The following APBA1 variants were observed in gnomAD, a reference collection of about 807,000 sequenced individuals.
The protein encoded by APBA1 is amyloid beta precursor protein binding family A member 1, also known as amyloid-beta A4 precursor protein-binding family A member 1.
Under a neutral mutation model 86.6 loss-of-function variants are expected in APBA1, and 55 were observed. The observed-to-expected ratio is 0.64, with a 90% CI of 0.51 to 0.80. The LOEUF is 0.80. APBA1 is among the 30% of genes least tolerant of loss of function. The pLI, the probability that APBA1 is intolerant of heterozygous loss-of-function variation, is 0.00. For missense variants in APBA1, 1,090 were observed against 1,183.0 expected, an observed-to-expected ratio of 0.92 and a Z score of 1.15; for synonymous variants, 511 against 493.9, an observed-to-expected ratio of 1.03 and a Z score of -0.46.
chr9:69,610,848 T>C (rs1381966727), intron 1 of APBA1, among the ~76,000 whole-genome samples: 1 of 152,230 alleles, frequency 6.6e-6, no homozygotes, highest in Non-Finnish European at 1.5e-5. Context: ...AGGCACATTT[T>C]AAAATCAATG....
rs1340114308 is a variant in APBA1 at position 69,560,035 on chromosome 9, TGAG to T, written c.-69-42759_-69-42757del. Among the ~76,000 whole-genome samples, 3 of 152,104 alleles carry T rather than the reference TGAG, an allele frequency of 2.0e-5. No homozygotes were observed. In the East Asian group the frequency reaches 5.8e-4, roughly 29 times the overall value. On this transcript the variant is annotated intron_variant, in intron 1 of 12. Coordinates refer to ENST00000265381, the MANE Select transcript of APBA1 (RefSeq NM_001163.4). ...CCCTTCTTGCGAAAGGGGCAGCCCT[TGAG>T]GAGGTCAGCAATATATGGGGATTAA...
At chr9:69,464,905 T>G (rs1372259119) in intron 5 of APBA1, 1 of 152,156 alleles carries the variant, frequency 6.6e-6, no homozygotes, top group Non-Finnish European at 1.5e-5. Context: ...AAACAAGGTG[T>G]CCCAAATGAA....
At chr9:69,601,031 T>G (rs1822341428) in intron 1 of APBA1, among the ~76,000 whole-genome samples, 1 of 151,946 alleles carries the variant, frequency 6.6e-6, no homozygotes. Context: ...CCTAGTATAA[T>G]TTTAGAATAC....
intron 1 of APBA1, among the ~76,000 whole-genome samples, chr9:69,640,472 A>C (rs1823264796): frequency 6.6e-6 from 1 of 152,032 alleles, no homozygotes; most frequent in Non-Finnish European, 1.5e-5. Context: ...AAAAAAATTA[A>C]TGTATATAAT....
chr9:69,452,241 T>G lies in APBA1; in HGVS notation c.1849A>C (p.Arg617=), dbSNP rs951156535. Residue 617 remains arginine, a synonymous_variant, in exon 9 of 13, where the codon AGG becomes CGG. Transcript: ENST00000265381. The part of the protein sequence containing the change: ...AFSVAYQEFL[R]ANGINPEDLS... ...TCTTCGGGGTTAATCCCATTGGCCC[T>G]GAGGAATTCCTGGTATGCCACGCTA... 1 of 1,614,092 alleles carries G rather than the reference T, an allele frequency of 6.2e-7. No homozygotes were observed. The highest frequency in any genetic ancestry group is 8.5e-7 in the Non-Finnish European group (1 of 1,180,048).
At chr9:69,579,074 G>T (rs1821863045) in intron 1 of APBA1, among the ~76,000 whole-genome samples, 1 of 151,804 alleles carries the variant, frequency 6.6e-6, no homozygotes, top group African/African-American at 2.4e-5. Flanking sequence ...TTTAAGATAA[G>T]TGAGTACAGC....
chr9:69,614,898 A>C (rs1020295755), intron 1 of APBA1, among the ~76,000 whole-genome samples: 1 of 152,208 alleles, frequency 6.6e-6, no homozygotes, highest in African/African-American at 2.4e-5. Context: ...GATTTAAGAA[A>C]ATTTTCTCTT....
At position 69,516,930 on chromosome 9, in the gene APBA1, C is replaced by T. The variant is rs774916587; in HGVS notation, c.281G>A (p.Gly94Asp). Reference protein sequence around the residue: ...GFHNHTDTAEGDVIAAARDGY... With the variant: ...GFHNHTDTAEDDVIAAARDGY... Reference sequence around the variant, plus strand: ...GTCGCGGGCCGCGGCGATCACGTCGCCCTCGGCGGTGTCCGTGTGGTTGTG... The same window carrying T: ...GTCGCGGGCCGCGGCGATCACGTCGTCCTCGGCGGTGTCCGTGTGGTTGTG... Residue 94 changes from glycine to aspartate, a missense_variant, in exon 2 of 13, where the codon GGC (glycine) becomes GAC (aspartate). Coordinates refer to ENST00000265381, the MANE Select transcript of APBA1 (RefSeq NM_001163.4). The surrounding 1 kb of genome is among the most constrained non-coding windows in gnomAD (Gnocchi z 7.3). 6.3e-7 allele frequency: 1 copy of T among 1,594,278 alleles called. No homozygotes were observed. The highest frequency in any genetic ancestry group is 2.2e-5 in the East Asian group (1 of 44,674).
At chr9:69,660,030 C>A (rs1279381117) in intron 1 of APBA1, among the ~76,000 whole-genome samples, 2 of 152,186 alleles carry the variant, frequency 1.3e-5, no homozygotes, top group Non-Finnish European at 2.9e-5. Flanking sequence ...CACACACTTA[C>A]ACACAATCCT....
chr9:69,484,899 T>C (rs1174080216), intron 2 of APBA1, among the ~76,000 whole-genome samples: 1 of 152,142 alleles, frequency 6.6e-6, no homozygotes, highest in African/African-American at 2.4e-5. Flanking sequence ...TTTTCAGTGG[T>C]CAATGGTAGG....
chr9:69,596,923 A>G (rs1412533754), intron 1 of APBA1, among the ~76,000 whole-genome samples: 1 of 152,232 alleles, frequency 6.6e-6, no homozygotes, highest in Non-Finnish European at 1.5e-5. Flanking sequence ...CTGAAATGGT[A>G]GTGGCTACTG....
At chr9:69,650,019 A>T (rs1261180832) in intron 1 of APBA1, among the ~76,000 whole-genome samples, 1 of 152,238 alleles carries the variant, frequency 6.6e-6, no homozygotes, top group Non-Finnish European at 1.5e-5. Context: ...GAAAGCAGGA[A>T]TGCTCTCTCC....
Position 69,428,455 on chromosome 9 carries a change from T to G in APBA1, c.*2872A>C, listed in dbSNP as rs1490496948. Reference sequence around the variant, plus strand: ...TGGTGGCTCCCTGAAATGCTCACACTGGAGAAAAGGCAGGATGGGTTCTGG... The same window carrying G: ...TGGTGGCTCCCTGAAATGCTCACACGGGAGAAAAGGCAGGATGGGTTCTGG... On this transcript the variant is annotated 3_prime_UTR_variant, in exon 13 of 13. Transcript: ENST00000265381. The G allele has an allele frequency of 6.6e-6, 1 of 152,138 alleles. No homozygotes were observed. The highest frequency in any genetic ancestry group is 1.5e-5 in the Non-Finnish European group (1 of 68,066). 9.4% of individuals were successfully genotyped at this position (152,138 alleles called of 1,614,324 possible).
At chr9:69,475,300 C>T (rs1395166847) in intron 3 of APBA1, among the ~76,000 whole-genome samples, 3 of 152,186 alleles carry the variant, frequency 2.0e-5, no homozygotes, top group Non-Finnish European at 4.4e-5. Flanking sequence ...TGCAGCCACA[C>T]GTGGCTATTT....
Position 69,517,133 on chromosome 9 carries a change from C to T in APBA1, c.78G>A (p.Glu26=), listed in dbSNP as rs746413457. ...AAGGEVNESV[E]ADLEHPEVEE... is the part of the protein sequence containing the mutation. ...CCACCTCGGGGTGCTCCAGGTCGGC[C>T]TCCACCGACTCGTTCACCTCCCCAC... Residue 26 remains glutamate, a synonymous_variant, in exon 2 of 13, where the codon GAG becomes GAA. Coordinates refer to ENST00000265381, the MANE Select transcript of APBA1 (RefSeq NM_001163.4). The T allele has an allele frequency of 4.1e-5, 64 of 1,568,478 alleles. No homozygotes were observed. Among genetic ancestry groups the T allele is most frequent in the Non-Finnish European group, 5.5e-5 (64 of 1,158,752 alleles).
intron 2 of APBA1, among the ~76,000 whole-genome samples, chr9:69,493,266 A>G (rs1232541806): frequency 4.6e-5 from 7 of 151,744 alleles, no homozygotes; most frequent in African/African-American, 1.5e-4. Flanking sequence ...TTCTTTTACT[A>G]TTTTTTTCCC....
intron 5 of APBA1, chr9:69,463,951 T>G (rs1009956093): frequency 2.6e-5 from 4 of 152,214 alleles, no homozygotes; most frequent in African/African-American, 9.7e-5. Context: ...GTGCTCTACG[T>G]CCTTTCTGTC....
In APBA1 at chr9:69,603,892, G is replaced by A. The variant is rs530121994; in HGVS notation, c.-70+68261C>T. Among the ~76,000 whole-genome samples the A allele has an allele frequency of 1.2e-4, 18 of 152,270 alleles. 1 individual carries two copies. In the South Asian group the frequency reaches 3.7e-3, roughly 32 times the overall value. ...CATCATGCCCTCTCTAACAGAGAAC[G>A]GCCTCTTCAGTCTGCCCCAGATTCT... is the stretch of plus-strand genomic sequence containing the variant. On this transcript the variant is annotated intron_variant, in intron 1 of 12. Transcript: ENST00000265381.
At chr9:69,482,315 C>T (rs1474800579) in intron 2 of APBA1, among the ~76,000 whole-genome samples, 2 of 151,968 alleles carry the variant, frequency 1.3e-5, no homozygotes, top group Admixed American at 6.6e-5. Context: ...GGGCAAAGGA[C>T]ATGAATAGAC....
Sources: gnomAD v4.1 joint callset for allele counts (sites outside exome capture counted in the v4.1 genomes callset) on GRCh38, gnomAD v4.1.1 for gene constraint, Gnocchi (gnomAD v3.1) non-coding constraint, MANE v1.5 for transcripts, NCBI Gene and HGNC (gene_info 2026-07-23, HGNC 2026-07-21) for gene names.